The following RTTN variants were observed in gnomAD, a reference collection of about 807,000 sequenced individuals.
RTTN encodes the protein rotatin.
A neutral mutation model predicts 269.2 loss-of-function variants in RTTN; 182 were observed. The observed-to-expected ratio is 0.68, with a 90% CI of 0.60 to 0.76. The LOEUF (loss-of-function observed/expected upper bound fraction) is 0.76, where lower values mean the gene tolerates loss of function less well. RTTN is among the 30% of genes least tolerant of loss of function. The probability of loss-of-function intolerance (pLI) is 0.00; values close to 1 mark genes in which losing one functional copy is unlikely to be tolerated. For missense variants in RTTN, 2,545 were observed against 2,608.6 expected, an observed-to-expected ratio of 0.98 and a Z score of 0.53; for synonymous variants, 1,006 against 963.5, an observed-to-expected ratio of 1.04 and a Z score of -0.82.
chr18:70,088,232 A>C, intron 30 of RTTN, 85 bp from the exon 31 acceptor site: 35 of 1,252,100 alleles, frequency 2.8e-5, no homozygotes, highest in Non-Finnish European at 3.5e-5. Context: ...CATAAATATC[A>C]CACTTTAAAA....
chr18:70,029,978 T>C (rs1239435850), intron 42 of RTTN, 34 bp downstream of exon 42: 1 of 1,462,492 alleles, frequency 6.8e-7, no homozygotes, highest in Non-Finnish European at 9.5e-7. Context: ...GAATGGTCTC[T>C]ATATATAGCC....
In RTTN at chr18:70,073,887, A is replaced by C; in HGVS notation, c.4653+19T>G. The C allele has an allele frequency of 1.3e-6, 2 of 1,569,046 alleles. No homozygotes were observed. The highest frequency in any genetic ancestry group is 1.8e-6 in the Non-Finnish European group (2 of 1,139,946). On this transcript the variant is annotated intron_variant, in intron 34 of 48. Coordinates refer to ENST00000640769, the MANE Select transcript of RTTN (RefSeq NM_173630.4). ...TTCAGAGATTCAAAATAAAGGACTT[A>C]TGCATTCTTTGCAAGTACCGTTGTT...
intron 40 of RTTN, among the ~76,000 whole-genome samples, chr18:70,032,534 A>T (rs1309090204): frequency 6.6e-6 from 1 of 152,228 alleles, no homozygotes; most frequent in African/African-American, 2.4e-5. Context: ...TGCAATTCTA[A>T]TTTCAGACAA....
At chr18:70,094,034 G>A (rs2058927206) in intron 28 of RTTN, among the ~76,000 whole-genome samples, 1 of 152,178 alleles carries the variant, frequency 6.6e-6, no homozygotes, top group African/African-American at 2.4e-5. Flanking sequence ...GAGGGTGTAT[G>A]TGTCCAGGAA....
intron 25 of RTTN, among the ~76,000 whole-genome samples, chr18:70,125,385 G>A (rs2059839705): frequency 6.6e-6 from 1 of 151,678 alleles, no homozygotes; most frequent in Non-Finnish European, 1.5e-5. Context: ...TGACCTGAGA[G>A]GACAATTTCA....
chr18:70,018,289 A>C (rs1475845618), intron 45 of RTTN, among the ~76,000 whole-genome samples: 2 of 152,208 alleles, frequency 1.3e-5, no homozygotes, highest in African/African-American at 4.8e-5. Context: ...TCAACCTCCA[A>C]ATAAAGCCCC....
intron 10 of RTTN, among the ~76,000 whole-genome samples, chr18:70,180,903 C>T (rs191794858): frequency 2.6e-5 from 4 of 152,288 alleles, no homozygotes; most frequent in African/African-American, 9.6e-5. Flanking sequence ...ATAAAAAGCA[C>T]TACATCTTAT....
At chr18:70,160,657 G>GAAA (rs34101176) in intron 14 of RTTN, among the ~76,000 whole-genome samples, 4 of 106,164 alleles carry the variant, frequency 3.8e-5, no homozygotes, top group Non-Finnish European at 6.1e-5. Flanking sequence ...TTCTATACCT[G>GAAA]AAAAAAAAAA....
chr18:70,004,172 C>T lies in RTTN; in HGVS notation c.6660G>A (p.Val2220=). 3 of 1,613,494 alleles carry T rather than the reference C, an allele frequency of 1.9e-6. No individual in the cohort carries two copies. The highest frequency in any genetic ancestry group is 2.5e-6 in the Non-Finnish European group (3 of 1,179,524). ...AYYLKCLENL[V]QLLNSS ...GCACTCAGGAAGAATTAAGGAGCTG[C>T]ACGAGGTTTTCAAGACATTTCAAAT... is the stretch of plus-strand genomic sequence containing the variant. The change falls in exon 49 of 49, where the codon GTG becomes GTA. Residue 2220 remains valine (V), a synonymous_variant. Transcript: ENST00000640769.
At chr18:70,124,561 T>G (rs1319725261) in intron 25 of RTTN, among the ~76,000 whole-genome samples, 3 of 151,974 alleles carry the variant, frequency 2.0e-5, no homozygotes, top group Non-Finnish European at 4.4e-5. Flanking sequence ...AAAACAGAAG[T>G]GTATGCCCTA....
intron 28 of RTTN, among the ~76,000 whole-genome samples, chr18:70,098,901 T>C (rs938354973): frequency 6.6e-6 from 1 of 152,218 alleles, no homozygotes; most frequent in Non-Finnish European, 1.5e-5. Context: ...TGTTCGGTTA[T>C]CTGTCCTTGC....
chr18:70,166,783 C>A, intron 13 of RTTN, 136 bp downstream of exon 13: 1 of 606,358 alleles, frequency 1.6e-6, no homozygotes, highest in Non-Finnish European at 2.9e-6. Context: ...CTTTAAAAAT[C>A]AGACACATAT....
intron 40 of RTTN, among the ~76,000 whole-genome samples, chr18:70,047,512 A>C (rs1397884862): frequency 6.6e-6 from 1 of 152,218 alleles, no homozygotes; most frequent in African/African-American, 2.4e-5. Flanking sequence ...ATTTTCTTCC[A>C]AATGTGCCAG....
At chr18:70,154,912 T>C (rs1001782991) in intron 14 of RTTN, among the ~76,000 whole-genome samples, 2 of 152,214 alleles carry the variant, frequency 1.3e-5, no homozygotes, top group African/African-American at 4.8e-5. Context: ...AAAATGCTAC[T>C]ATTTGATATT....
chr18:70,141,172 T>C lies in RTTN; in HGVS notation c.2582-984A>G, dbSNP rs1056386382. Among the ~76,000 whole-genome samples the C allele has an allele frequency of 5.9e-5, 9 of 152,164 alleles. No individual in the cohort carries two copies. The South Asian group carries it at 1.5e-3, about 25-fold the overall frequency. ...GTGATTGTTGTTAAAACTAAAAATA[T>C]GTGGAATATGTTTTTTCAAATAACT... is the stretch of plus-strand genomic sequence containing the variant. On this transcript the variant is annotated intron_variant, in intron 19 of 48. Transcript: ENST00000640769.
chr18:70,203,218 G>A lies in RTTN; in HGVS notation c.397+868C>T, dbSNP rs187220046. On this transcript the variant is annotated intron_variant, in intron 3 of 48. Coordinates refer to ENST00000640769, the MANE Select transcript of RTTN (RefSeq NM_173630.4). ...GAGAAAGTGTTCTTTTTTTTTTTTC[G>A]AGATGGAGTCTTGCTCTGTCACCCA... Among the ~76,000 whole-genome samples, 219 of 147,736 alleles carry A rather than the reference G, an allele frequency of 1.5e-3. 2 individuals are homozygous for A. Among genetic ancestry groups the A allele is most frequent in the South Asian group, 4.7e-3 (22 of 4,708 alleles).
chr18:70,028,927 G>GT (rs1441962942), intron 42 of RTTN, 126 bp from the exon 43 acceptor site: 1 of 523,344 alleles, frequency 1.9e-6, no homozygotes, highest in Non-Finnish European at 3.4e-6. Context: ...CCCAACCACT[G>GT]TAACTTTGAG....
chr18:70,074,097 G>T, intron 33 of RTTN, 103 bp from the exon 34 acceptor site: 2 of 677,426 alleles, frequency 3.0e-6, no homozygotes, highest in East Asian at 3.1e-5. Context: ...ACTAAAGAAA[G>T]GAAAAAACTT....
chr18:70,205,265 T>G lies in RTTN; in HGVS notation c.82A>C (p.Lys28Gln). 1 of 1,614,192 alleles carries G rather than the reference T, an allele frequency of 6.2e-7. No homozygotes were observed. Among genetic ancestry groups the G allele is most frequent in the Non-Finnish European group, 8.5e-7 (1 of 1,180,024 alleles). ...RERALKSILC[K>Q]IEHNLICYAD... is the part of the protein sequence containing the mutation. ...TAGCAGATTAAGTTGTGCTCAATCTTGCAGAGAATACTCTTGAGAGCGCGC... is the reference window on the plus strand; with the variant it reads ...TAGCAGATTAAGTTGTGCTCAATCTGGCAGAGAATACTCTTGAGAGCGCGC... The change falls in exon 2 of 49, where the codon AAG (lysine) becomes CAG (glutamine). Residue 28 changes from lysine to glutamine, a missense_variant. Lys to Gln is a moderately conservative substitution (Grantham distance 53, BLOSUM62 1). Transcript: ENST00000640769.
Sources: allele counts gnomAD v4.1 joint callset (sites outside exome capture counted in the v4.1 genomes callset), GRCh38; gene constraint gnomAD v4.1.1; transcripts MANE v1.5; gene names NCBI Gene and HGNC (gene_info 2026-07-23, HGNC 2026-07-21).